The following COL1A1 variants were observed in gnomAD, a reference collection of about 807,000 sequenced individuals.
The protein encoded by COL1A1 is collagen alpha-1(I) chain.
Under a neutral mutation model 195.7 loss-of-function variants are expected in COL1A1, and 21 were observed. The ratio of observed to expected loss-of-function variants is 0.11; its 90% CI spans 0.08 to 0.15. COL1A1 has a LOEUF of 0.15. COL1A1 is among the 10% of genes least tolerant of loss of function. The pLI is 1.00. For missense variants in COL1A1, 1,365 were observed against 2,051.0 expected (o/e 0.67, Z 6.46); for synonymous variants, 749 against 747.3 (o/e 1.00, Z -0.04).
Position 50,190,049 on chromosome 17 carries a change from A to T in COL1A1, c.2511T>A (p.Asp837Glu). Reference sequence around the variant, plus strand: ...GTCCGGCAGGGCCAGGGGGACCAGCATCGCCTTTAGCACCAGCATCACCAG... The same window carrying T: ...GTCCGGCAGGGCCAGGGGGACCAGCTTCGCCTTTAGCACCAGCATCACCAG... ...GEPGDAGAKG[D>E]AGPPGPAGPA... The change falls in exon 36 of 51, where the codon GAT (aspartate) becomes GAA (glutamate). Residue 837 changes from aspartate (D) to glutamate (E), a missense_variant. Physicochemically the swap from Asp to Glu is conservative, Grantham distance 45. Coordinates refer to ENST00000225964, the MANE Select transcript of COL1A1 (RefSeq NM_000088.4). This position sits in a 1 kb window ranked among gnomAD's most constrained non-coding sequence, Gnocchi z 4.7. The T allele has an allele frequency of 1.9e-6, 3 of 1,611,342 alleles. No homozygotes were observed. Among genetic ancestry groups the T allele is most frequent in the Non-Finnish European group, 2.5e-6 (3 of 1,179,182 alleles).
chr17:50,199,238 A>C lies in COL1A1; in HGVS notation c.459T>G (p.Pro153=). ...PPGPPGPPGP[P]GLGGNFAPQL... ...CCTCTCCACTTACTCCTCCGAGGCCAGGGGGTCCGGGAGGTCCGGGGGGTC... is the reference window on the plus strand; with the variant it reads ...CCTCTCCACTTACTCCTCCGAGGCCCGGGGGTCCGGGAGGTCCGGGGGGTC... The change falls in exon 5 of 51, where the codon CCT becomes CCG. Residue 153 remains proline (P), a synonymous_variant. Transcript: ENST00000225964. 1 of 1,463,748 alleles carries C rather than the reference A, an allele frequency of 6.8e-7. No homozygotes were observed. The highest frequency in any genetic ancestry group is 1.4e-5 in the South Asian group (1 of 72,052). 90.7% of individuals were successfully genotyped at this position (1,463,748 alleles called of 1,614,324 possible).
In COL1A1 at chr17:50,187,936, G is replaced by A. The variant is rs142312753; in HGVS notation, c.3309C>T (p.Gly1103=). The change falls in exon 45 of 51, where the codon GGC becomes GGT. Residue 1103 remains glycine, a synonymous_variant. Coordinates refer to ENST00000225964, the MANE Select transcript of COL1A1 (RefSeq NM_000088.4). ...RGDKGETGEQ[G]DRGIKGHRGF... ...CACGGTGACCCTTTATGCCTCTGTC[G>A]CCCTGTTCGCCTGTCTCACCCTTGT... is the stretch of plus-strand genomic sequence containing the variant. The A allele has an allele frequency of 7.6e-5, 123 of 1,613,866 alleles. No homozygotes were observed. In the African/African-American group the frequency reaches 1.5e-3, roughly 19 times the overall value.
chr17:50,184,592 C>T lies in COL1A1; in HGVS notation c.*910G>A, dbSNP rs1191321526. ...TTCTATAGCACCAGTGATTCCCTCC[C>T]CACCCCACCCATCACATAGATGTAG... On this transcript the variant is annotated 3_prime_UTR_variant, in exon 51 of 51. Coordinates refer to ENST00000225964, the MANE Select transcript of COL1A1 (RefSeq NM_000088.4). 2 of 228,478 alleles carry T rather than the reference C, an allele frequency of 8.8e-6. No individual in the cohort carries two copies. The highest frequency in any genetic ancestry group is 2.2e-5 in the African/African-American group (1 of 44,972). The allele number at this position is 228,478 out of a possible 1,614,324, so 14.2% of individuals were successfully genotyped here.
At chr17:50,200,190 G>A (rs765363046) in intron 1 of COL1A1, 4 of 573,674 alleles carry the variant, frequency 7.0e-6, no homozygotes, top group Non-Finnish European at 1.2e-5. Context: ...GCTTTAGTCC[G>A]CGGTGGCTTC....
At chr17:50,191,570 C>T (rs1191445492) in intron 31 of COL1A1, 80 bp from the exon 32 acceptor site, 4 of 1,368,912 alleles carry the variant, frequency 2.9e-6, no homozygotes, top group Non-Finnish European at 4.2e-6. Context: ...CTTGGTATCT[C>T]CCAGGCTTGT....
rs1449615726 is a variant in COL1A1, at chr17:50,185,298, G to C, written c.*204C>G. 9.9e-6 allele frequency: 1 copy of C among 101,090 alleles called. No homozygotes were observed. The highest frequency in any genetic ancestry group is 9.3e-5 in the African/African-American group (1 of 10,758). The allele number at this position is 101,090 out of a possible 1,614,324, so 6.3% of individuals were successfully genotyped here. A position where few individuals can be genotyped will look rare whatever the true frequency, so the allele number is the denominator to read the frequency against. ...TTTTGGTAAGGTTGAATGCACTTTT[G>C]GTTTTTGGTCATGTTCGGTTGGTCA... On this transcript the variant is annotated 3_prime_UTR_variant, in exon 51 of 51. Transcript: ENST00000225964.
At chr17:50,196,941 G>A (rs1907642392) in intron 11 of COL1A1, 69 bp downstream of exon 11, 19 of 1,555,352 alleles carry the variant, frequency 1.2e-5, no homozygotes, top group Non-Finnish European at 1.7e-5. Flanking sequence ...ATCTTTTGGG[G>A]AAGAGGTTGG....
chr17:50,198,571 G>T, intron 5 of COL1A1, 67 bp from the exon 6 acceptor site: 1 of 1,247,514 alleles, frequency 8.0e-7, no homozygotes, highest in Non-Finnish European at 1.2e-6. Flanking sequence ...CACTGAGGAT[G>T]GAAGAAACTG....
intron 31 of COL1A1, 74 bp downstream of exon 31, chr17:50,191,714 C>T: frequency 6.7e-7 from 1 of 1,497,652 alleles, no homozygotes; most frequent in Non-Finnish European, 9.1e-7. Flanking sequence ...TCATGGCCCG[C>T]CATCCCCTGC....
At position 50,195,952 on chromosome 17, in the gene COL1A1, G is replaced by T; in HGVS notation, c.1027C>A (p.Pro343Thr). 6.3e-7 allele frequency: 1 copy of T among 1,594,102 alleles called. No homozygotes were observed. Residue 343 changes from proline (P) to threonine (T), a missense_variant, in exon 16 of 51, where the codon CCT becomes ACT. Physicochemically the swap from Pro to Thr is conservative, Grantham distance 38. Around this residue, in one of 5 missense-constraint regions of COL1A1, gnomAD observed 226 missense variants for 372.9 expected, o/e 0.61. Coordinates refer to ENST00000225964, the MANE Select transcript of COL1A1 (RefSeq NM_000088.4). This position sits in a 1 kb window ranked among gnomAD's most constrained non-coding sequence, Gnocchi z 4.3. ...PPGPTGPAGP[P>T]GFPGAVGAKG... ...GCACCAACAGCACCAGGGAAGCCAG[G>T]AGGACCAGCGGGGCCGGTGGGACCC...
intron 45 of COL1A1, 76 bp downstream of exon 45, chr17:50,187,800 G>A (rs1567753873): frequency 6.0e-6 from 8 of 1,343,786 alleles, no homozygotes; most frequent in Non-Finnish European, 7.2e-6. Context: ...CTATCCAGAG[G>A]GGGAAACTGA....
chr17:50,185,698 T>C (rs769483364), intron 50 of COL1A1, 50 bp from the exon 51 acceptor site: 43 of 1,611,850 alleles, frequency 2.7e-5, no homozygotes, highest in Non-Finnish European at 3.4e-5. Flanking sequence ...GTGGGAGTGA[T>C]GGAGAGAGGG....
chr17:50,186,909 G>T lies in COL1A1; in HGVS notation c.3545C>A (p.Pro1182His), dbSNP rs759825792. 6.2e-7 allele frequency: 1 copy of T among 1,613,698 alleles called. No individual in the cohort carries two copies. Among genetic ancestry groups the T allele is most frequent in the East Asian group, 2.2e-5 (1 of 44,862 alleles). The change falls in exon 48 of 51, where the codon CCT (proline) becomes CAT (histidine). Residue 1182 changes from proline to histidine, a missense_variant. Physicochemically the swap from Pro to His is moderately conservative, Grantham distance 77. Coordinates refer to ENST00000225964, the MANE Select transcript of COL1A1 (RefSeq NM_000088.4). This position sits in a 1 kb window ranked among gnomAD's most constrained non-coding sequence, Gnocchi z 5.3. ...ACCAGGGGGACCAGGAGGTCCAGGA[G>T]GGCCGGGGGGACCCTGCACAGAGAG... ...GDAGPVGPPG[P>H]PGPPGPPGPP... is the part of the protein sequence containing the mutation.
At position 50,189,260 on chromosome 17, in the gene COL1A1, G is replaced by C. The variant is rs1434279534; in HGVS notation, c.2845C>G (p.Pro949Ala). 11 of 1,614,016 alleles carry C rather than the reference G, an allele frequency of 6.8e-6. No individual in the cohort carries two copies. The East Asian group carries it at 2.5e-4, about 36-fold the overall frequency. The stretch of plus-strand genomic sequence containing the variant: ...TGTCCAGCAATACCTTGAGGCCCGG[G>C]AGTACCAGGAGCACCCTTTGGGAGG... ...ADGPAGAPGT[P>A]GPQGIAGQRG... Residue 949 changes from proline (P) to alanine (A), a missense_variant, in exon 40 of 51, where the codon CCC (proline) becomes GCC (alanine). This residue lies in a region of COL1A1 where 671 missense variants were observed against 1,099.9 expected (regional missense o/e 0.61). Transcript: ENST00000225964. The surrounding 1 kb of genome is among the most constrained non-coding windows in gnomAD (Gnocchi z 5.5).
chr17:50,189,744 G>T lies in COL1A1; in HGVS notation c.2614-12C>A. 1 of 1,613,998 alleles carries T rather than the reference G, an allele frequency of 6.2e-7. No homozygotes were observed. The highest frequency in any genetic ancestry group is 8.5e-7 in the Non-Finnish European group (1 of 1,179,958). ...AAACCAGTAGCACCCTGGAAGGAGA[G>T]AACATAGGAACAGTCAGAGGGAGAA... On this transcript the variant is annotated splice_polypyrimidine_tract_variant and intron_variant, in intron 37 of 50. Coordinates refer to ENST00000225964, the MANE Select transcript of COL1A1 (RefSeq NM_000088.4). The surrounding 1 kb of genome is among the most constrained non-coding windows in gnomAD (Gnocchi z 5.5).
rs371904584 is a variant in COL1A1, at chr17:50,186,699, C to T, written c.3755G>A (p.Arg1252His). 59 of 1,613,520 alleles carry T rather than the reference C, an allele frequency of 3.7e-5. No individual in the cohort carries two copies. The highest frequency in any genetic ancestry group is 1.9e-4 in the South Asian group (17 of 91,082). ...ACGGCAGGTGCGGGCGGGGTTCTTG[C>T]GGCTGCCCTCTGGGCTCCGGATGTT... ...IENIRSPEGSRKNPARTCRDL... is the reference protein window; with the variant it reads ...IENIRSPEGSHKNPARTCRDL... Residue 1252 changes from arginine (R) to histidine (H), a missense_variant, in exon 48 of 51, where the codon CGC becomes CAC. Transcript: ENST00000225964. The surrounding 1 kb of genome is among the most constrained non-coding windows in gnomAD (Gnocchi z 5.3).
chr17:50,197,461 TAATTTCACCATCTGCGCACC>T (rs1167725007), intron 9 of COL1A1, among the ~76,000 whole-genome samples: 1 of 152,272 alleles, frequency 6.6e-6, no homozygotes, highest in Non-Finnish European at 1.5e-5. Context: ...ACCAGCATTT[TAATTTCACCATCTGCGCACC>T]AATTTCCCCA....
chr17:50,196,239 A>C (rs772798322), intron 14 of COL1A1, 40 bp from the exon 15 acceptor site: 2 of 1,613,480 alleles, frequency 1.2e-6, no homozygotes, highest in Non-Finnish European at 1.7e-6. Context: ...TCCACTGAGC[A>C]CTGGCCAGTC....
intron 1 of COL1A1, 98 bp downstream of exon 1, chr17:50,201,313 T>C: frequency 9.0e-7 from 1 of 1,110,430 alleles, no homozygotes; most frequent in East Asian, 2.5e-5. Flanking sequence ...TTCCCGAGTC[T>C]CCGGATCATC....
Sources: gnomAD v4.1 joint callset for allele counts (sites outside exome capture counted in the v4.1 genomes callset) on GRCh38, gnomAD v4.1.1 for gene constraint, gnomAD v4.1.1 regional missense constraint, Gnocchi (gnomAD v3.1) non-coding constraint, MANE v1.5 for transcripts, NCBI Gene and HGNC (gene_info 2026-07-23, HGNC 2026-07-21) for gene names.